BICC1: variants seen among roughly 807,000 people sequenced by gnomAD.
BICC1 encodes protein bicaudal C homolog 1.
BICC1 carries 43 observed loss-of-function variants against 111.0 expected under a neutral mutation model. The observed-to-expected ratio is 0.39, with a 90% confidence interval of 0.30 to 0.50. The LOEUF (loss-of-function observed/expected upper bound fraction) is 0.50. BICC1 is among the 20% of genes least tolerant of loss of function. BICC1 has a pLI of 0.88. For missense variants in BICC1, 1,091 were observed against 1,203.2 expected, an observed-to-expected ratio of 0.91 and a Z score of 1.38; for synonymous variants, 467 against 434.4, an observed-to-expected ratio of 1.07 and a Z score of -0.93.
At chr10:58,547,289 A>AC (rs1241551929) in intron 1 of BICC1, among the ~76,000 whole-genome samples, 1 of 151,672 alleles carries the variant, frequency 6.6e-6, no homozygotes, top group African/African-American at 2.4e-5. Flanking sequence ...AGTTTCTCAG[A>AC]CTCCTCTTGC....
intron 3 of BICC1, among the ~76,000 whole-genome samples, chr10:58,757,821 A>T (rs906838475): frequency 2.0e-5 from 3 of 152,218 alleles, no homozygotes; most frequent in Non-Finnish European, 4.4e-5. Context: ...TGTGGCTGCC[A>T]ACTCAGATCA....
At chr10:58,547,105 A>T (rs536710717) in intron 1 of BICC1, among the ~76,000 whole-genome samples, 1 of 152,302 alleles carries the variant, frequency 6.6e-6, no homozygotes, top group East Asian at 1.9e-4. Flanking sequence ...CCTTATTATT[A>T]CCATCTTATA....
At chr10:58,612,330 A>G (rs1230480430) in intron 1 of BICC1, among the ~76,000 whole-genome samples, 2 of 152,224 alleles carry the variant, frequency 1.3e-5, no homozygotes, top group Admixed American at 6.5e-5. Flanking sequence ...CATCTTCTAC[A>G]TCTTTTGTGC....
At chr10:58,512,788 C>T (rs1638587625), upstream of BICC1, among the ~76,000 whole-genome samples, 2 of 150,906 alleles carry the variant, frequency 1.3e-5, no homozygotes, top group Admixed American at 1.3e-4. Flanking sequence ...CTGGCCGGGC[C>T]AATGAGCGCG....
At chr10:58,814,618 TAAAA>T (rs35500718) in intron 18 of BICC1, among the ~76,000 whole-genome samples, 2 of 114,776 alleles carry the variant, frequency 1.7e-5, no homozygotes, top group African/African-American at 3.3e-5. Flanking sequence ...TCATCTCTAC[TAAAA>T]AAAAAAAAAA....
chr10:58,673,381 G>A (rs1839239462), intron 2 of BICC1, among the ~76,000 whole-genome samples: 1 of 152,054 alleles, frequency 6.6e-6, no homozygotes, highest in South Asian at 2.1e-4. Context: ...ATGTGCAAGG[G>A]GATTTACATA....
intron 1 of BICC1, among the ~76,000 whole-genome samples, chr10:58,591,356 C>A (rs977648874): frequency 1.3e-5 from 2 of 152,152 alleles, no homozygotes; most frequent in Non-Finnish European, 2.9e-5. Flanking sequence ...GCTGCTATAA[C>A]AAAATACCAT....
chr10:58,824,194 C>A, intron 20 of BICC1: 2 of 654,328 alleles, frequency 3.1e-6, no homozygotes, highest in Non-Finnish European at 3.8e-6. Flanking sequence ...AGGGCATTGA[C>A]CTTTCCATCA....
At chr10:58,517,034 G>A (rs1438566347) in intron 1 of BICC1, among the ~76,000 whole-genome samples, 1 of 151,956 alleles carries the variant, frequency 6.6e-6, no homozygotes, top group African/African-American at 2.4e-5. Flanking sequence ...AAACATATAT[G>A]TGTACTATAA....
At chr10:58,750,135 T>A (rs1177547677) in intron 3 of BICC1, among the ~76,000 whole-genome samples, 1 of 152,022 alleles carries the variant, frequency 6.6e-6, no homozygotes, top group Non-Finnish European at 1.5e-5. Flanking sequence ...CTAAGGCAAG[T>A]AGATGGAGTC....
chr10:58,544,651 A>G (rs1005826700), intron 1 of BICC1, among the ~76,000 whole-genome samples: 1 of 152,212 alleles, frequency 6.6e-6, no homozygotes, highest in Non-Finnish European at 1.5e-5. Flanking sequence ...ATACATACAT[A>G]TATGCAACTA....
intron 1 of BICC1, among the ~76,000 whole-genome samples, chr10:58,587,636 G>A (rs1357221241): frequency 6.6e-6 from 1 of 152,154 alleles, no homozygotes; most frequent in Non-Finnish European, 1.5e-5. Context: ...TGGGGGTTTT[G>A]AACTTTAACT....
At chr10:58,682,709 C>T (rs1839572650) in intron 2 of BICC1, among the ~76,000 whole-genome samples, 2 of 152,124 alleles carry the variant, frequency 1.3e-5, no homozygotes, top group African/African-American at 2.4e-5. Context: ...ATATCCTTCG[C>T]CCACTTTTTG....
chr10:58,702,058 T>A lies in BICC1; in HGVS notation c.238-16T>A, dbSNP rs761814201. 1 of 1,600,388 alleles carries A rather than the reference T, an allele frequency of 6.2e-7. No homozygotes were observed. Among genetic ancestry groups the A allele is most frequent in the Non-Finnish European group, 8.5e-7 (1 of 1,171,400 alleles). ...GTTTTTAATTGAGTCAATATTTCTCTCAATTTTTGTTACAGATCATGGAGG... is the reference window on the plus strand; with the variant it reads ...GTTTTTAATTGAGTCAATATTTCTCACAATTTTTGTTACAGATCATGGAGG... On this transcript the variant is annotated splice_polypyrimidine_tract_variant and intron_variant, in intron 2 of 20. Coordinates refer to ENST00000373886, the MANE Select transcript of BICC1 (RefSeq NM_001080512.3).
At chr10:58,708,606 C>T (rs1025029785) in intron 3 of BICC1, among the ~76,000 whole-genome samples, 10 of 152,088 alleles carry the variant, frequency 6.6e-5, no homozygotes, top group Non-Finnish European at 1.5e-4. Context: ...ACATAGGGCC[C>T]GAAGATTGGT....
intron 2 of BICC1, among the ~76,000 whole-genome samples, chr10:58,670,181 C>T (rs1839139618): frequency 1.3e-5 from 2 of 152,034 alleles, no homozygotes; most frequent in South Asian, 4.2e-4. Context: ...ATCTGTTCAT[C>T]AATCCATCTT....
chr10:58,822,551 A>T (rs548275684), intron 20 of BICC1, among the ~76,000 whole-genome samples: 34 of 152,162 alleles, frequency 2.2e-4, no homozygotes, highest in Admixed American at 1.4e-3. Flanking sequence ...GGGGTTCACC[A>T]GGTCCTCTTG....
Position 58,813,907 on chromosome 10 carries a change from C to G in BICC1, c.2454C>G (p.Asp818Glu), listed in dbSNP as rs1843996971. The G allele has an allele frequency of 6.2e-7, 1 of 1,613,976 alleles. No individual in the cohort carries two copies. The highest frequency in any genetic ancestry group is 8.5e-7 in the Non-Finnish European group (1 of 1,179,920). ...GAAGCGAATCTGATAACTGGAGAGACCGAAATGGAATTGGACCTGGAAGTC... is the reference window on the plus strand; with the variant it reads ...GAAGCGAATCTGATAACTGGAGAGAGCGAAATGGAATTGGACCTGGAAGTC... ...GGGSESDNWR[D>E]RNGIGPGSHS... The change falls in exon 18 of 21, where the codon GAC becomes GAG. Residue 818 changes from aspartate (D) to glutamate (E), a missense_variant. Transcript: ENST00000373886.
intron 2 of BICC1, among the ~76,000 whole-genome samples, chr10:58,640,418 G>A (rs962922865): frequency 6.6e-6 from 1 of 152,192 alleles, no homozygotes; most frequent in Non-Finnish European, 1.5e-5. Context: ...AAGCTGCATT[G>A]TGGCTTTTTT....
Sources: allele counts gnomAD v4.1 joint callset (sites outside exome capture counted in the v4.1 genomes callset), GRCh38; gene constraint gnomAD v4.1.1; transcripts MANE v1.5; gene names NCBI Gene and HGNC (gene_info 2026-07-23, HGNC 2026-07-21).